The following DTWD2 variants were observed in gnomAD, a reference collection of about 807,000 sequenced individuals.
DTWD2 encodes the protein DTW motif tRNA-uridine aminocarboxypropyltransferase 2, also known as tRNA-uridine aminocarboxypropyltransferase 2.
DTWD2 carries 39 observed loss-of-function variants against 31.8 expected under a neutral mutation model. That is an observed-to-expected ratio of 1.22 (90% CI 0.95 to 1.60). The LOEUF is 1.60. Among genes scored for constraint, DTWD2 ranks in the 40% most tolerant of loss-of-function variants. The pLI is 0.00. For synonymous variants in DTWD2, 180 were observed against 142.8 expected (o/e 1.26, Z -1.86); for missense variants, 515 against 381.5 (o/e 1.35, Z -2.92).
chr5:118,985,517 TACAC>T (rs1260597928), intron 1 of DTWD2, among the ~76,000 whole-genome samples: 15 of 107,690 alleles, frequency 1.4e-4, no homozygotes, highest in South Asian at 3.1e-4. Flanking sequence ...TATATATATA[TACAC>T]ACACATATAT....
chr5:118,913,428 T>TAG lies in DTWD2; in HGVS notation c.597+15108_597+15109insCT, dbSNP rs1266108071. Among the ~76,000 whole-genome samples, 91 of 132,688 alleles carry TAG rather than the reference T, an allele frequency of 6.9e-4. 2 individuals are homozygous for TAG. Among genetic ancestry groups the TAG allele is most frequent in the East Asian group, 4.0e-3 (16 of 3,982 alleles). 87.0% of individuals were successfully genotyped at this position (132,688 alleles called of 152,430 possible). On this transcript the variant is annotated intron_variant, in intron 4 of 5. Transcript: ENST00000510708. ...ATATATAGATATATATAGATATATA[T>TAG]ATATACACACACACACACACACGTG...
At chr5:118,986,425 C>G (rs1755429133) in intron 1 of DTWD2, among the ~76,000 whole-genome samples, 1 of 152,128 alleles carries the variant, frequency 6.6e-6, no homozygotes, top group African/African-American at 2.4e-5. Context: ...AAAAGTTAAA[C>G]TGAGTTTGCA....
intron 4 of DTWD2, among the ~76,000 whole-genome samples, chr5:118,857,552 A>G (rs1752166577): frequency 6.6e-6 from 1 of 152,200 alleles, no homozygotes; most frequent in African/African-American, 2.4e-5. Flanking sequence ...TTTATATATT[A>G]CAAATATCTT....
intron 1 of DTWD2, among the ~76,000 whole-genome samples, chr5:118,945,829 G>C (rs946607106): frequency 6.7e-6 from 1 of 148,614 alleles, no homozygotes; most frequent in Non-Finnish European, 1.5e-5. Flanking sequence ...TAAGTGGCCA[G>C]ATCCCAGATA....
At chr5:118,923,961 C>CTT (rs1753757977) in intron 4 of DTWD2, among the ~76,000 whole-genome samples, 2 of 152,188 alleles carry the variant, frequency 1.3e-5, no homozygotes, top group Non-Finnish European at 2.9e-5. Flanking sequence ...AAAAAAAATT[C>CTT]AAGAGCTGTC....
rs1561478076 is a variant in DTWD2, at chr5:118,973,657, G to GCAGCCTCCTTGCTCGCC, written c.218+14636_218+14637insGGCGAGCAAGGAGGCTG. 2.0e-4 allele frequency: 86 copies of GCAGCCTCCTTGCTCGCC among 431,766 alleles called. No homozygotes were observed. In the East Asian group the frequency reaches 2.7e-3, roughly 14 times the overall value. 26.7% of individuals were successfully genotyped at this position (431,766 alleles called of 1,614,324 possible). A position where few individuals can be genotyped will look rare whatever the true frequency, so the allele number is the denominator to read the frequency against. ...TGCTCGCGGCAGCCTCCTTGCTCGCGGCAGCCTCCTTGCTCGCCGCAGCCG... is the reference window on the plus strand; with the variant it reads ...TGCTCGCGGCAGCCTCCTTGCTCGCGCAGCCTCCTTGCTCGCCGCAGCCTCCTTGCTCGCCGCAGCCG... On this transcript the variant is annotated intron_variant, in intron 1 of 5. Transcript: ENST00000510708.
intron 4 of DTWD2, among the ~76,000 whole-genome samples, chr5:118,880,048 G>A (rs548523126): frequency 7.2e-5 from 11 of 152,250 alleles, no homozygotes; most frequent in African/African-American, 1.9e-4. Flanking sequence ...CTTATGCACC[G>A]ACACAGAAAG....
At chr5:118,902,743 A>G (rs1319706386) in intron 4 of DTWD2, among the ~76,000 whole-genome samples, 1 of 152,076 alleles carries the variant, frequency 6.6e-6, no homozygotes. Flanking sequence ...ACTGGAACTC[A>G]TATAGCAATT....
At chr5:118,953,167 TC>T (rs1212631615) in intron 1 of DTWD2, among the ~76,000 whole-genome samples, 3 of 152,156 alleles carry the variant, frequency 2.0e-5, no homozygotes, top group Admixed American at 1.3e-4. Flanking sequence ...TCTAACAAAT[TC>T]CTAGGTGGTG....
At chr5:118,928,424 G>C in intron 4 of DTWD2, 113 bp downstream of exon 4, 1 of 692,310 alleles carries the variant, frequency 1.4e-6, no homozygotes, top group Non-Finnish European at 2.1e-6. Flanking sequence ...TTCACACATA[G>C]AAATACCACC....
chr5:118,967,615 A>T (rs899763656), intron 1 of DTWD2, among the ~76,000 whole-genome samples: 5 of 152,212 alleles, frequency 3.3e-5, no homozygotes, highest in Non-Finnish European at 5.9e-5. Flanking sequence ...TTGAGCAATA[A>T]AAGAAATAAA....
intron 4 of DTWD2, among the ~76,000 whole-genome samples, chr5:118,922,053 G>A (rs1753716743): frequency 6.6e-6 from 1 of 152,134 alleles, no homozygotes; most frequent in Admixed American, 6.5e-5. Flanking sequence ...ATGGAAATAT[G>A]TTTATGAAGA....
chr5:118,916,499 C>G (rs1753580639), intron 4 of DTWD2, among the ~76,000 whole-genome samples: 1 of 152,000 alleles, frequency 6.6e-6, no homozygotes, highest in Admixed American at 6.5e-5. Flanking sequence ...AACCCCATCT[C>G]TAATAAAAAT....
At chr5:118,878,175 T>C (rs373088339) in intron 4 of DTWD2, among the ~76,000 whole-genome samples, 8 of 152,156 alleles carry the variant, frequency 5.3e-5, no homozygotes, top group African/African-American at 1.9e-4. Context: ...AAAGTGCATA[T>C]GGAACCAAAA....
chr5:118,894,216 C>T (rs1046649956), intron 4 of DTWD2, among the ~76,000 whole-genome samples: 112 of 152,224 alleles, frequency 7.4e-4, no homozygotes, highest in African/African-American at 2.5e-3. Flanking sequence ...GATAGAAGAG[C>T]GACCCTTCTA....
chr5:118,904,526 C>T (rs1024738419), intron 4 of DTWD2, among the ~76,000 whole-genome samples: 1 of 152,052 alleles, frequency 6.6e-6, no homozygotes, highest in East Asian at 1.9e-4. Flanking sequence ...GTTTTTTAAT[C>T]GACTGACATT....
At chr5:118,918,233 T>A (rs759424244) in intron 4 of DTWD2, among the ~76,000 whole-genome samples, 4 of 152,250 alleles carry the variant, frequency 2.6e-5, no homozygotes, top group Non-Finnish European at 5.9e-5. Context: ...AGTAATACAT[T>A]GCTCACTGAA....
intron 4 of DTWD2, among the ~76,000 whole-genome samples, chr5:118,852,794 C>G (rs1378030273): frequency 6.6e-6 from 1 of 152,014 alleles, no homozygotes; most frequent in Non-Finnish European, 1.5e-5. Flanking sequence ...GACTGCAGCA[C>G]TATTCACAAT....
At chr5:118,978,188 C>T (rs978315739) in intron 1 of DTWD2, among the ~76,000 whole-genome samples, 1 of 151,752 alleles carries the variant, frequency 6.6e-6, no homozygotes, top group Non-Finnish European at 1.5e-5. Flanking sequence ...AAAGTTGAAA[C>T]TGGTCCTCTT....
Sources: gnomAD v4.1 joint callset for allele counts (sites outside exome capture counted in the v4.1 genomes callset) on GRCh38, gnomAD v4.1.1 for gene constraint, MANE v1.5 for transcripts, NCBI Gene and HGNC (gene_info 2026-07-23, HGNC 2026-07-21) for gene names.